The following NFAM1 variants were observed in gnomAD, a reference collection of about 807,000 sequenced individuals.
NFAM1 encodes the protein NFAT activation molecule 1.
A neutral mutation model predicts 29.0 loss-of-function variants in NFAM1; 17 were observed. That is an observed-to-expected ratio of 0.59 (90% CI 0.40 to 0.88). The LOEUF is 0.88. NFAM1 is among the 40% of genes least tolerant of loss of function. NFAM1 has a pLI of 0.00. For synonymous variants in NFAM1, 175 were observed against 147.2 expected (o/e 1.19, Z -1.36); for missense variants, 324 against 344.6 (o/e 0.94, Z 0.47).
At chr22:42,418,407 C>CA (rs1930329984) in intron 1 of NFAM1, among the ~76,000 whole-genome samples, 1 of 152,132 alleles carries the variant, frequency 6.6e-6, no homozygotes, top group South Asian at 2.1e-4. Flanking sequence ...AAGGCAAATC[C>CA]CAGCTGGGTG....
chr22:42,436,673 A>C (rs1930948105), upstream of NFAM1, among the ~76,000 whole-genome samples: 1 of 152,240 alleles, frequency 6.6e-6, no homozygotes, highest in South Asian at 2.1e-4. Context: ...GTTTGATGCC[A>C]GACACAGTTC....
At chr22:42,410,779 C>G (rs1390368721) in intron 2 of NFAM1, among the ~76,000 whole-genome samples, 1 of 152,128 alleles carries the variant, frequency 6.6e-6, no homozygotes, top group Non-Finnish European at 1.5e-5. Context: ...ATGCACATAC[C>G]TAGTTCTGCA....
rs542590843 is a variant in NFAM1, at chr22:42,429,853, A to T, written c.121+2384T>A. On this transcript the variant is annotated intron_variant, in intron 1 of 5. Coordinates refer to ENST00000329021, the MANE Select transcript of NFAM1 (RefSeq NM_145912.8). Reference sequence around the variant, plus strand: ...TGGTTACGGTCAGGGGAGGTTTGGAAGATGTGGGAGGGGCAAGATTCCTTC... The same window carrying T: ...TGGTTACGGTCAGGGGAGGTTTGGATGATGTGGGAGGGGCAAGATTCCTTC... 1.4e-3 allele frequency among the ~76,000 whole-genome samples: 207 copies of T among 152,312 alleles called. 3 individuals are homozygous for T. The highest frequency in any genetic ancestry group is 1.9e-3 in the Non-Finnish European group (130 of 68,026).
upstream of NFAM1, among the ~76,000 whole-genome samples, chr22:42,436,431 CCTCA>C (rs1300235082): frequency 6.6e-6 from 1 of 152,136 alleles, no homozygotes; most frequent in Admixed American, 6.5e-5. Context: ...TCTCAAACAC[CCTCA>C]CTATCAAAAA....
rs539253809 is a variant in NFAM1, at chr22:42,417,319, T to A, written c.122-5583A>T. On this transcript the variant is annotated intron_variant, in intron 1 of 5. Coordinates refer to ENST00000329021, the MANE Select transcript of NFAM1 (RefSeq NM_145912.8). ...ACTTAGAGTGACCAGAGGAGCTGAGTTTTGCCAGGAGAAATCCCCCAGCAC... is the reference window on the plus strand; with the variant it reads ...ACTTAGAGTGACCAGAGGAGCTGAGATTTGCCAGGAGAAATCCCCCAGCAC... Among the ~76,000 whole-genome samples the A allele has an allele frequency of 1.6e-4, 25 of 152,048 alleles. No individual in the cohort carries two copies. The South Asian group carries it at 2.7e-3, about 16-fold the overall frequency.
intron 3 of NFAM1, among the ~76,000 whole-genome samples, chr22:42,406,686 T>C (rs2147104475): frequency 6.6e-6 from 1 of 152,342 alleles, no homozygotes; most frequent in South Asian, 2.1e-4. Context: ...TTATCCCATC[T>C]GATATATACG....
intron 1 of NFAM1, among the ~76,000 whole-genome samples, chr22:42,418,314 T>C (rs1255466713): frequency 6.6e-6 from 1 of 152,182 alleles, no homozygotes; most frequent in East Asian, 1.9e-4. Context: ...AATTGGGACC[T>C]GGAACCCAGC....
intron 1 of NFAM1, among the ~76,000 whole-genome samples, chr22:42,429,428 C>A (rs1053703703): frequency 6.6e-6 from 1 of 152,020 alleles, no homozygotes; most frequent in Non-Finnish European, 1.5e-5. Context: ...CCAGCCTGGC[C>A]AACACGGTGA....
At chr22:42,404,808 C>T (rs144407131) in intron 3 of NFAM1, among the ~76,000 whole-genome samples, 6 of 148,852 alleles carry the variant, frequency 4.0e-5, no homozygotes, top group East Asian at 2.0e-4. Flanking sequence ...GAGTCAAGGT[C>T]GCACCATTGT....
chr22:42,420,143 T>G (rs922671433), intron 1 of NFAM1, among the ~76,000 whole-genome samples: 1 of 151,746 alleles, frequency 6.6e-6, no homozygotes, highest in Non-Finnish European at 1.5e-5. Flanking sequence ...CCCAAGTTGC[T>G]AGGATTACAG....
intron 5 of NFAM1, 123 bp downstream of exon 5, chr22:42,386,866 G>A (rs1363603656): frequency 1.2e-5 from 7 of 597,096 alleles, no homozygotes; most frequent in Non-Finnish European, 2.1e-5. Context: ...CTGCCACCAG[G>A]AGATGGCTGG....
intron 5 of NFAM1, 96 bp from the exon 6 acceptor site, chr22:42,385,316 C>T (rs1929100018): frequency 2.3e-6 from 2 of 879,900 alleles, no homozygotes; most frequent in East Asian, 2.4e-5. Context: ...CAGAGGGCAA[C>T]AGATCACTTC....
chr22:42,426,210 C>T (rs1044310677), intron 1 of NFAM1, among the ~76,000 whole-genome samples: 1 of 152,162 alleles, frequency 6.6e-6, no homozygotes, highest in Non-Finnish European at 1.5e-5. Flanking sequence ...AGGGTCTTAT[C>T]TGAATACACC....
intron 5 of NFAM1, among the ~76,000 whole-genome samples, chr22:42,386,150 G>A (rs1457529093): frequency 6.6e-6 from 1 of 152,050 alleles, no homozygotes; most frequent in Non-Finnish European, 1.5e-5. Flanking sequence ...TGAGGTGGGT[G>A]AATCATGAGG....
intron 3 of NFAM1, among the ~76,000 whole-genome samples, chr22:42,403,481 G>T (rs961649195): frequency 6.6e-6 from 1 of 152,078 alleles, no homozygotes; most frequent in African/African-American, 2.4e-5. Flanking sequence ...TCCGCCTCTC[G>T]GCTAATTTGT....
chr22:42,405,686 C>T (rs183892509), intron 3 of NFAM1, among the ~76,000 whole-genome samples: 5 of 152,184 alleles, frequency 3.3e-5, no homozygotes, highest in Non-Finnish European at 7.4e-5. Flanking sequence ...CCACCCATCT[C>T]GGGTCTTCTT....
chr22:42,424,497 A>C (rs1930559057), intron 1 of NFAM1, among the ~76,000 whole-genome samples: 1 of 152,194 alleles, frequency 6.6e-6, no homozygotes, highest in Non-Finnish European at 1.5e-5. Flanking sequence ...AAATCTCAAG[A>C]AGCAAGCCGA....
intron 2 of NFAM1, chr22:42,410,289 G>T: frequency 3.8e-6 from 1 of 260,218 alleles, no homozygotes; most frequent in Non-Finnish European, 7.9e-6. Flanking sequence ...CCAGGGGATC[G>T]CAGAGGTAGG....
chr22:42,411,190 A>G (rs893538696), intron 2 of NFAM1, among the ~76,000 whole-genome samples: 1 of 151,506 alleles, frequency 6.6e-6, no homozygotes, highest in Admixed American at 6.6e-5. Context: ...TGCCCAGCTA[A>G]TTTTTGTGTT....
Sources: allele counts gnomAD v4.1 joint callset (sites outside exome capture counted in the v4.1 genomes callset), GRCh38; gene constraint gnomAD v4.1.1; transcripts MANE v1.5; gene names NCBI Gene and HGNC (gene_info 2026-07-23, HGNC 2026-07-21).